Variants in LCN6 observed in about 807,000 individuals in gnomAD.
LCN6 encodes epididymal-specific lipocalin-6.
LCN6 carries 20 observed loss-of-function variants against 21.4 expected under a neutral mutation model. That is an observed-to-expected ratio of 0.93 (90% CI 0.66 to 1.36). The LOEUF is 1.36. Ranked by LOEUF, LCN6 falls within the 40% of genes most tolerant of loss-of-function variation. The probability of loss-of-function intolerance (pLI) is 0.00; values close to 1 mark genes in which losing one functional copy is unlikely to be tolerated. For synonymous variants in LCN6, 96 were observed against 89.0 expected, an observed-to-expected ratio of 1.08 and a Z score of -0.44; for missense variants, 217 against 206.6, an observed-to-expected ratio of 1.05 and a Z score of -0.31.
At chr9:136,748,105 C>T (rs1395762483) in intron 1 of LCN6, among the ~76,000 whole-genome samples, 1 of 151,418 alleles carries the variant, frequency 6.6e-6, no homozygotes, top group Non-Finnish European at 1.5e-5. Flanking sequence ...GTTCTCCAGC[C>T]CTACAGCCTC....
At chr9:136,746,277 T>G (rs1243629699) in intron 2 of LCN6, among the ~76,000 whole-genome samples, 24 of 16,282 alleles carry the variant, frequency 1.5e-3, no homozygotes, top group East Asian at 2.5e-3. Context: ...TGGGGCGGGG[T>G]GGGGGTTCGC....
At chr9:136,745,526 C>G in intron 3 of LCN6, 1 of 591,356 alleles carries the variant, frequency 1.7e-6, no homozygotes, top group Non-Finnish European at 3.0e-6. Context: ...CCAGCCTGTC[C>G]CAGGTGTGAA....
chr9:136,746,557 G>C (rs934767775), intron 2 of LCN6, among the ~76,000 whole-genome samples: 6 of 152,172 alleles, frequency 3.9e-5, no homozygotes, highest in Non-Finnish European at 8.8e-5. Context: ...GGAAAGCCAC[G>C]TGGGAGCTGC....
At chr9:136,745,808 G>T in intron 3 of LCN6, 36 bp downstream of exon 3, 1 of 1,587,560 alleles carries the variant, frequency 6.3e-7, no homozygotes, top group Non-Finnish European at 8.6e-7. Flanking sequence ...CTGCAGGGAA[G>T]AACGGCCTGG....
rs184208151 is a variant in LCN6, at chr9:136,744,929, C to T, written c.413-188G>A. On this transcript the variant is annotated intron_variant, in intron 4 of 6. Transcript: ENST00000341206. The surrounding 1 kb of genome is among the most constrained non-coding windows in gnomAD (Gnocchi z 4.2). ...TGGCCTGCATGTGGTCCTGTGCGGC[C>T]CACCCACCACACAGCTCCCCACATG... 1.3e-5 allele frequency among the ~76,000 whole-genome samples: 2 copies of T among 152,078 alleles called. No individual in the cohort carries two copies. Among genetic ancestry groups the T allele is most frequent in the Non-Finnish European group, 2.9e-5 (2 of 67,974 alleles).
At chr9:136,747,344 G>A in intron 2 of LCN6, 80 bp downstream of exon 2, 2 of 1,529,928 alleles carry the variant, frequency 1.3e-6, no homozygotes, top group Non-Finnish European at 1.8e-6. Context: ...GCGGTGCCCG[G>A]GAGCAGATGT....
chr9:136,748,331 G>A (rs1847077963), intron 1 of LCN6, 63 bp downstream of exon 1: 1 of 1,420,712 alleles, frequency 7.0e-7, no homozygotes, highest in East Asian at 2.4e-5. Flanking sequence ...CAGAAGCTGT[G>A]TGGCCTTAAA....
At position 136,744,706 on chromosome 9, in the gene LCN6, G is replaced by C; in HGVS notation, c.448C>G (p.Leu150Val). The C allele has an allele frequency of 1.2e-6, 2 of 1,610,698 alleles. No homozygotes were observed. Among genetic ancestry groups the C allele is most frequent in the Non-Finnish European group, 1.7e-6 (2 of 1,178,456 alleles). Residue 150 changes from leucine to valine, a missense_variant, in exon 5 of 7, where the codon CTC becomes GTC. By Grantham distance (32) the Leu-to-Val change is conservative. Coordinates refer to ENST00000341206, the MANE Select transcript of LCN6 (RefSeq NM_198946.3). The surrounding 1 kb of genome is among the most constrained non-coding windows in gnomAD (Gnocchi z 4.2). ...AGGCTCCTGCTCCACTTGGTGAAGA[G>C]CCCCATGGCCTCCTGGCTGGCTGTC... ...TETASQEAMG[L>V]FTKWSRSLGF...
rs147112974 is a variant in LCN6, at chr9:136,746,072, A to G, written c.231-158T>C. On this transcript the variant is annotated intron_variant, in intron 2 of 6. Coordinates refer to ENST00000341206, the MANE Select transcript of LCN6 (RefSeq NM_198946.3). ...GATGCCCGGAAACCTGTTCTCGGAGAGTGGACGGCGTGGGAGTCCTGAGAG... is the reference window on the plus strand; with the variant it reads ...GATGCCCGGAAACCTGTTCTCGGAGGGTGGACGGCGTGGGAGTCCTGAGAG... 2,882 of 651,516 alleles carry G rather than the reference A, an allele frequency of 4.4e-3. 12 individuals carry two copies. The highest frequency in any genetic ancestry group is 6.3e-3 in the Non-Finnish European group (2,322 of 368,378). The allele number at this position is 651,516 out of a possible 1,614,324, so 40.4% of individuals were successfully genotyped here. A position where few individuals can be genotyped will look rare whatever the true frequency, so the allele number is the denominator to read the frequency against.
rs114288972 is a variant in LCN6, at chr9:136,747,335, C to T, written c.230+89G>A. On this transcript the variant is annotated intron_variant, in intron 2 of 6. Coordinates refer to ENST00000341206, the MANE Select transcript of LCN6 (RefSeq NM_198946.3). The stretch of plus-strand genomic sequence containing the variant: ...GGGGCCGTGGGAAGCCCCCAGGCCG[C>T]GGTGCCCGGGAGCAGATGTGCAAAG... 1.6e-3 allele frequency: 2,444 copies of T among 1,489,136 alleles called. 32 individuals are homozygous for T. In the African/African-American group the frequency reaches 0.03, roughly 18 times the overall value. The allele number at this position is 1,489,136 out of a possible 1,614,324, so 92.2% of individuals were successfully genotyped here.
intron 2 of LCN6, 111 bp from the exon 3 acceptor site, chr9:136,746,025 T>C (rs537287182): frequency 4.4e-6 from 4 of 903,424 alleles, no homozygotes; most frequent in African/African-American, 1.7e-5. Context: ...GGCCAGAGCT[T>C]CCATCTTCTG....
At chr9:136,748,358 G>C in intron 1 of LCN6, 36 bp downstream of exon 1, 2 of 1,572,010 alleles carry the variant, frequency 1.3e-6, no homozygotes, top group Non-Finnish European at 1.7e-6. Flanking sequence ...GCTGGCCCCC[G>C]AGGACCAGCT....
At chr9:136,745,632 A>T (rs1302485073) in intron 3 of LCN6, 1 of 607,450 alleles carries the variant, frequency 1.6e-6, no homozygotes, top group African/African-American at 1.9e-5. Context: ...CCTTGGCTGG[A>T]CCTCACTGGT....
chr9:136,747,690 CCCTCCAG>C (rs1247862473), intron 1 of LCN6, 127 bp from the exon 2 acceptor site: 10 of 875,574 alleles, frequency 1.1e-5, no homozygotes, highest in African/African-American at 3.9e-5. Flanking sequence ...AACCATCCAG[CCCTCCAG>C]CCTCCAGCCT....
In LCN6 at chr9:136,745,250, G is replaced by C; in HGVS notation, c.332C>G (p.Ala111Gly). The C allele has an allele frequency of 1.9e-6, 3 of 1,613,520 alleles. No individual in the cohort carries two copies. Among genetic ancestry groups the C allele is most frequent in the Non-Finnish European group, 2.5e-6 (3 of 1,179,848 alleles). The part of the protein sequence containing the change: ...SIGVLELWVL[A>G]TNFRDYAIIF... The stretch of plus-strand genomic sequence containing the variant: ...GATGGCATAGTCTCTGAAGTTGGTG[G>C]CCAGCACCCAGAGCTCCAGCACGCC... The change falls in exon 4 of 7, where the codon GCC (alanine) becomes GGC (glycine). Residue 111 changes from alanine (A) to glycine (G), a missense_variant. Physicochemically the swap from Ala to Gly is moderately conservative, Grantham distance 60. Transcript: ENST00000341206.
At chr9:136,746,264 G>T (rs1588301561) in intron 2 of LCN6, among the ~76,000 whole-genome samples, 1 of 140,992 alleles carries the variant, frequency 7.1e-6, no homozygotes, top group Non-Finnish European at 1.6e-5. Context: ...CTCAGGGGAA[G>T]GATGGGGCGG....
intron 2 of LCN6, 37 bp downstream of exon 2, chr9:136,747,387 T>C (rs1213046924): frequency 6.2e-7 from 1 of 1,606,972 alleles, no homozygotes; most frequent in African/African-American, 1.3e-5. Flanking sequence ...GCCACAGTCC[T>C]GCCTGCGGGA....
At position 136,747,483 on chromosome 9, in the gene LCN6, C is replaced by T. The variant is rs757956588; in HGVS notation, c.171G>A (p.Val57=). 1 of 1,613,732 alleles carries T rather than the reference C, an allele frequency of 6.2e-7. No individual in the cohort carries two copies. Among genetic ancestry groups the T allele is most frequent in the Admixed American group, 1.7e-5 (1 of 60,010 alleles). The change falls in exon 2 of 7, where the codon GTG becomes GTA. Residue 57 remains valine (V), a synonymous_variant. Coordinates refer to ENST00000341206, the MANE Select transcript of LCN6 (RefSeq NM_198946.3). ...CTGGAGTGAGGGTCACCACCACCCCCACGACGTTCTTCATGTCCTTCTCCA... is the reference window on the plus strand; with the variant it reads ...CTGGAGTGAGGGTCACCACCACCCCTACGACGTTCTTCATGTCCTTCTCCA... ...FAMEKDMKNV[V]GVVVTLTPEN...
At chr9:136,747,910 TTCCAGCCCTACAGCCTCTAGGC>T (rs1847071152) in intron 1 of LCN6, among the ~76,000 whole-genome samples, 1 of 122,432 alleles carries the variant, frequency 8.2e-6, no homozygotes, top group East Asian at 2.7e-4. Flanking sequence ...GCCTCCAGCC[TTCCAGCCCTACAGCCTCTAGGC>T]TCCAGCCCTC....
Sources: allele counts gnomAD v4.1 joint callset (sites outside exome capture counted in the v4.1 genomes callset), GRCh38; gene constraint gnomAD v4.1.1; non-coding constraint Gnocchi (gnomAD v3.1); transcripts MANE v1.5; gene names NCBI Gene and HGNC (gene_info 2026-07-23, HGNC 2026-07-21).